The following DNMT3A variants were observed in gnomAD, a reference collection of about 807,000 sequenced individuals.
DNMT3A encodes the protein DNA methyltransferase 3 alpha, also known as DNA (cytosine-5)-methyltransferase 3A.
DNMT3A carries 267 observed loss-of-function variants against 117.6 expected under a neutral mutation model. The observed-to-expected ratio is 2.27, with a 90% CI of 2.05 to 2.51. The LOEUF is 2.51. DNMT3A is among the 30% of genes most tolerant of loss of function. The pLI is 0.00. For missense variants in DNMT3A, 1,029 were observed against 1,260.2 expected, an observed-to-expected ratio of 0.82 and a Z score of 2.78; for synonymous variants, 432 against 474.8, an observed-to-expected ratio of 0.91 and a Z score of 1.17.
chr2:25,258,542 C>T (rs1051423242), intron 6 of DNMT3A, among the ~76,000 whole-genome samples: 1 of 152,214 alleles, frequency 6.6e-6, no homozygotes, highest in African/African-American at 2.4e-5. Context: ...TGATGGGGCT[C>T]TAGGCCTCTG....
Position 25,282,344 on chromosome 2 carries a change from G to A in DNMT3A, c.448+97C>T, listed in dbSNP as rs780725158. 6.5e-7 allele frequency: 1 copy of A among 1,532,332 alleles called. No homozygotes were observed. The highest frequency in any genetic ancestry group is 1.2e-5 in the South Asian group (1 of 82,994). The allele number at this position is 1,532,332 out of a possible 1,614,324, so 94.9% of individuals were successfully genotyped here. The stretch of plus-strand genomic sequence containing the variant: ...CAAGCAGACCTTTAGCCACGACCCA[G>A]ACCATCCTTCCTGGGACCTGCTGGA... On this transcript the variant is annotated intron_variant, in intron 4 of 22. Coordinates refer to ENST00000321117, the MANE Select transcript of DNMT3A (RefSeq NM_022552.5). The surrounding 1 kb of genome is among the most constrained non-coding windows in gnomAD (Gnocchi z 5.2).
rs142185920 is a variant in DNMT3A, at chr2:25,280,491, T to A, written c.448+1950A>T. Among the ~76,000 whole-genome samples, 852 of 152,222 alleles carry A rather than the reference T, an allele frequency of 5.6e-3. 13 individuals are homozygous for A. Among genetic ancestry groups the A allele is most frequent in the African/African-American group, 0.02 (824 of 41,552 alleles). ...AGCCTTCTTCCCTGTTCTCACTCTC[T>A]CCCTCTACCCCTCACCCAGTGGACT... On this transcript the variant is annotated intron_variant, in intron 4 of 22. Transcript: ENST00000321117.
At chr2:25,284,420 G>A (rs1573424106) in intron 3 of DNMT3A, among the ~76,000 whole-genome samples, 1 of 151,970 alleles carries the variant, frequency 6.6e-6, no homozygotes, top group Non-Finnish European at 1.5e-5. Flanking sequence ...GCTGAGGCAG[G>A]CTCCCTCACA....
rs2035477902 is a variant in DNMT3A, at chr2:25,341,906, G to A, written c.-258C>T. ...GCGTCCCGGCTCGTCCTCTGCTCTC[G>A]CCGCCGCCGCCGCCCGCGCGCCCTC... On this transcript the variant is annotated 5_prime_UTR_variant, in exon 1 of 23. Transcript: ENST00000321117. 9.2e-6 allele frequency: 9 copies of A among 977,550 alleles called. No individual in the cohort carries two copies. The highest frequency in any genetic ancestry group is 1.1e-5 in the Non-Finnish European group (9 of 826,352). The allele number at this position is 977,550 out of a possible 1,614,324, so 60.6% of individuals were successfully genotyped here.
Position 25,327,004 on chromosome 2 carries a change from G to A in DNMT3A, c.-177-12843C>T, listed in dbSNP as rs1350138520. Among the ~76,000 whole-genome samples the A allele has an allele frequency of 6.6e-6, 1 of 152,212 alleles. No individual in the cohort carries two copies. The highest frequency in any genetic ancestry group is 1.5e-5 in the Non-Finnish European group (1 of 68,044). ...ATTCCAGAGGGTGGATTTCCAGCAAGTTCTGCCAACATGGCATTACAGAGA... is the reference window on the plus strand; with the variant it reads ...ATTCCAGAGGGTGGATTTCCAGCAAATTCTGCCAACATGGCATTACAGAGA... On this transcript the variant is annotated intron_variant, in intron 1 of 22. Transcript: ENST00000321117. The surrounding 1 kb of genome is among the most constrained non-coding windows in gnomAD (Gnocchi z 4.1).
At chr2:25,275,434 C>T in intron 5 of DNMT3A, 66 bp downstream of exon 5, 1 of 1,524,818 alleles carries the variant, frequency 6.6e-7, no homozygotes, top group Non-Finnish European at 8.9e-7. Flanking sequence ...CCCTCACACA[C>T]ACTCGCCACC....
chr2:25,283,733 C>T (rs1479951097), intron 3 of DNMT3A, among the ~76,000 whole-genome samples: 1 of 152,168 alleles, frequency 6.6e-6, no homozygotes, highest in Non-Finnish European at 1.5e-5. Flanking sequence ...TTTCTTTATC[C>T]CCTAGAGTCT....
At chr2:25,292,486 C>T (rs1439398466) in intron 3 of DNMT3A, among the ~76,000 whole-genome samples, 1 of 152,152 alleles carries the variant, frequency 6.6e-6, no homozygotes, top group African/African-American at 2.4e-5. Flanking sequence ...AAGAAGGGAA[C>T]CCACCATGGA....
chr2:25,338,410 T>C (rs990195175), intron 1 of DNMT3A, among the ~76,000 whole-genome samples: 1 of 152,168 alleles, frequency 6.6e-6, no homozygotes, highest in African/African-American at 2.4e-5. Flanking sequence ...AAGAGAAGCC[T>C]TGGGGGAGTC....
At chr2:25,333,095 G>A (rs972915586) in intron 1 of DNMT3A, among the ~76,000 whole-genome samples, 1 of 152,234 alleles carries the variant, frequency 6.6e-6, no homozygotes, top group African/African-American at 2.4e-5. Flanking sequence ...AGAAGTGGAG[G>A]TGCAGAAAGG....
chr2:25,254,337 C>G lies in DNMT3A; in HGVS notation c.640-6085G>C, dbSNP rs904755402. 6.6e-6 allele frequency among the ~76,000 whole-genome samples: 1 copy of G among 152,046 alleles called. No homozygotes were observed. The highest frequency in any genetic ancestry group is 2.4e-5 in the African/African-American group (1 of 41,402). On this transcript the variant is annotated intron_variant, in intron 6 of 22. Transcript: ENST00000321117. The surrounding 1 kb of genome is among the most constrained non-coding windows in gnomAD (Gnocchi z 4.7). ...TGCAGTGAGGGAGCCCCCCCTCCCC[C>G]TGAGGGCCATCAGAGCAAGCAAACC...
chr2:25,256,511 C>T (rs1399285682), intron 6 of DNMT3A, among the ~76,000 whole-genome samples: 1 of 152,330 alleles, frequency 6.6e-6, no homozygotes, highest in East Asian at 1.9e-4. Context: ...GAATTAAATA[C>T]AAATTAAAAT....
rs1321099636 is a variant in DNMT3A, at chr2:25,228,337, G to A, written c.*5942C>T. 6.6e-6 allele frequency: 1 copy of A among 151,200 alleles called. No individual in the cohort carries two copies. The highest frequency in any genetic ancestry group is 2.4e-5 in the African/African-American group (1 of 41,132). The allele number at this position is 151,200 out of a possible 1,614,324, so 9.4% of individuals were successfully genotyped here. A position where few individuals can be genotyped will look rare whatever the true frequency, so the allele number is the denominator to read the frequency against. On this transcript the variant is annotated 3_prime_UTR_variant, in exon 23 of 23. Coordinates refer to ENST00000321117, the MANE Select transcript of DNMT3A (RefSeq NM_022552.5). ...GAGGAACTTAAGAGAAAGGAAAGAG[G>A]GCTGGGGAGGGAAGAGTCTGGGAAG...
chr2:25,240,576 C>T, intron 18 of DNMT3A, 64 bp downstream of exon 18: 1 of 1,604,564 alleles, frequency 6.2e-7, no homozygotes, highest in Non-Finnish European at 8.5e-7. Context: ...CAGAAATATC[C>T]AAGGAGGAAG....
chr2:25,245,414 C>A, intron 12 of DNMT3A, 82 bp from the exon 13 acceptor site: 7 of 1,336,686 alleles, frequency 5.2e-6, no homozygotes, highest in South Asian at 2.5e-5. Flanking sequence ...ACCAGACCAG[C>A]CACAAAAAAG....
intron 3 of DNMT3A, among the ~76,000 whole-genome samples, chr2:25,299,697 G>A (rs1303989339): frequency 1.3e-5 from 2 of 152,192 alleles, no homozygotes; most frequent in African/African-American, 4.8e-5. Flanking sequence ...TTGGGAGGCT[G>A]AAGTGGGCGG....
Position 25,252,302 on chromosome 2 carries a change from C to T in DNMT3A, c.640-4050G>A, listed in dbSNP as rs1266234757. ...GGGGGAGGGGAAGGGGGCGATGGGG[C>T]TGGGGGCGGAGGGGGCCACTGGGAG... On this transcript the variant is annotated intron_variant, in intron 6 of 22. Coordinates refer to ENST00000321117, the MANE Select transcript of DNMT3A (RefSeq NM_022552.5). This position sits in a 1 kb window ranked among gnomAD's most constrained non-coding sequence, Gnocchi z 5.5. 1 of 108,198 alleles carries T rather than the reference C, an allele frequency of 9.2e-6. No homozygotes were observed. The highest frequency in any genetic ancestry group is 1.7e-5 in the Non-Finnish European group (1 of 57,224). 6.7% of individuals were successfully genotyped at this position (108,198 alleles called of 1,614,324 possible).
chr2:25,268,967 A>C (rs1190073928), intron 6 of DNMT3A, among the ~76,000 whole-genome samples: 3 of 152,250 alleles, frequency 2.0e-5, no homozygotes, highest in African/African-American at 7.2e-5. Flanking sequence ...AGATGTGATC[A>C]ACACATAAGA....
rs755673156 is a variant in DNMT3A at position 25,240,396 on chromosome 2, G to A, written c.2228C>T (p.Pro743Leu). 2.5e-6 allele frequency: 4 copies of A among 1,613,956 alleles called. No homozygotes were observed. The highest frequency in any genetic ancestry group is 4.5e-5 in the East Asian group (2 of 44,878). The stretch of plus-strand genomic sequence containing the variant: ...GAAGGGGCGATCATCTCCCTCCTTG[G>A]GCCGCGCATCATGCAGGAGGCGGTA... The part of the protein sequence containing the change: ...EFYRLLHDAR[P>L]KEGDDRPFFW... Residue 743 changes from proline to leucine, a missense_variant, in exon 19 of 23, where the codon CCC (proline) becomes CTC (leucine). Pro to Leu is a moderately conservative substitution (Grantham distance 98, BLOSUM62 -3). Transcript: ENST00000321117.
Sources: gnomAD v4.1 joint callset for allele counts (sites outside exome capture counted in the v4.1 genomes callset) on GRCh38, gnomAD v4.1.1 for gene constraint, Gnocchi (gnomAD v3.1) non-coding constraint, MANE v1.5 for transcripts, NCBI Gene and HGNC (gene_info 2026-07-23, HGNC 2026-07-21) for gene names.